NR1D2: variants seen among roughly 807,000 people sequenced by gnomAD.
NR1D2 encodes V-erbA-related protein 1-related.
NR1D2 carries 25 observed loss-of-function variants against 52.2 expected under a neutral mutation model. The observed-to-expected ratio is 0.48, with a 90% CI of 0.35 to 0.67. The LOEUF (loss-of-function observed/expected upper bound fraction) is 0.67, where lower values mean the gene tolerates loss of function less well. Ranked by LOEUF, NR1D2 falls within the 30% of genes least tolerant of loss-of-function variation. The probability of loss-of-function intolerance (pLI) is 0.01; values close to 1 mark genes in which losing one functional copy is unlikely to be tolerated. For missense variants in NR1D2, 681 were observed against 707.2 expected (o/e 0.96, Z 0.42); for synonymous variants, 259 against 230.1 (o/e 1.13, Z -1.14).
At chr3:23,966,421 G>T (rs1015176931) in intron 6 of NR1D2, among the ~76,000 whole-genome samples, 2 of 152,226 alleles carry the variant, frequency 1.3e-5, no homozygotes, top group African/African-American at 2.4e-5. Flanking sequence ...AGTTCAGTTA[G>T]ACTTCATCTG....
intron 1 of NR1D2, among the ~76,000 whole-genome samples, chr3:23,952,758 A>C (rs1180488095): frequency 6.6e-6 from 1 of 151,730 alleles, no homozygotes; most frequent in Admixed American, 6.6e-5. Flanking sequence ...CTGATGAAAA[A>C]CATTGTGTGT....
At chr3:23,969,913 C>G (rs753231684) in intron 7 of NR1D2, among the ~76,000 whole-genome samples, 1 of 151,908 alleles carries the variant, frequency 6.6e-6, no homozygotes, top group Non-Finnish European at 1.5e-5. Context: ...TGAGAGAGTA[C>G]GAGATAGGGC....
In NR1D2 at chr3:23,953,334, C is replaced by T. The variant is rs1470075691; in HGVS notation, c.17-1203C>T. Among the ~76,000 whole-genome samples the T allele has an allele frequency of 3.0e-5, 3 of 99,398 alleles. No homozygotes were observed. The East Asian group carries it at 9.1e-4, about 30-fold the overall frequency. 65.2% of individuals were successfully genotyped at this position (99,398 alleles called of 152,430 possible). The stretch of plus-strand genomic sequence containing the variant: ...CTCCGGCCTGGGTGACAGAGTGAGA[C>T]TCTGTCTCAAAAAAAAAAAAAAAAA... On this transcript the variant is annotated intron_variant, in intron 1 of 7. Coordinates refer to ENST00000312521, the MANE Select transcript of NR1D2 (RefSeq NM_005126.5).
chr3:23,950,827 T>C (rs1279271768), intron 1 of NR1D2, among the ~76,000 whole-genome samples: 1 of 152,162 alleles, frequency 6.6e-6, no homozygotes, highest in African/African-American at 2.4e-5. Context: ...TACAGTCCAT[T>C]GCCCCGTCAG....
At chr3:23,956,738 G>A (rs1274727779) in intron 3 of NR1D2, among the ~76,000 whole-genome samples, 1 of 152,156 alleles carries the variant, frequency 6.6e-6, no homozygotes, top group Non-Finnish European at 1.5e-5. Flanking sequence ...AATTCCAAGT[G>A]AGATGGTCTC....
At chr3:23,954,950 A>G (rs1156500669) in intron 2 of NR1D2, 147 bp downstream of exon 2, 2 of 714,788 alleles carry the variant, frequency 2.8e-6, no homozygotes, top group South Asian at 1.8e-5. Context: ...TAGGGAAGAA[A>G]TCAGTGATGA....
chr3:23,946,249 G>A (rs562952894), intron 1 of NR1D2: 2 of 985,448 alleles, frequency 2.0e-6, no homozygotes, highest in South Asian at 4.7e-5. Context: ...CGCTCTTTTC[G>A]CGAGGTGACC....
Position 23,979,977 on chromosome 3 carries a change from A to T in NR1D2, c.*2558A>T, listed in dbSNP as rs1456619765. ...ATTTTTTTTCCTGTGCTTTTAATGT[A>T]TCTCTTTACATGATCTGAGAGAGGA... On this transcript the variant is annotated 3_prime_UTR_variant, in exon 8 of 8. Coordinates refer to ENST00000312521, the MANE Select transcript of NR1D2 (RefSeq NM_005126.5). 1 of 152,136 alleles carries T rather than the reference A, an allele frequency of 6.6e-6. No homozygotes were observed. Among genetic ancestry groups the T allele is most frequent in the Non-Finnish European group, 1.5e-5 (1 of 67,968 alleles). 9.4% of individuals were successfully genotyped at this position (152,136 alleles called of 1,614,324 possible). A position where few individuals can be genotyped will look rare whatever the true frequency, so the allele number is the denominator to read the frequency against.
In NR1D2 at chr3:23,977,986, G is replaced by GTT. The variant is rs1044384127; in HGVS notation, c.*568_*569dup. ...TGTCCCCAATGCCCCACCTCACAGA[G>GTT]TTACTAAAAAATGTCTGTAAAGCAT... On this transcript the variant is annotated 3_prime_UTR_variant, in exon 8 of 8. Coordinates refer to ENST00000312521, the MANE Select transcript of NR1D2 (RefSeq NM_005126.5). 9.2e-5 allele frequency: 14 copies of GTT among 152,132 alleles called. No homozygotes were observed. The highest frequency in any genetic ancestry group is 3.4e-4 in the African/African-American group (14 of 41,428). 9.4% of individuals were successfully genotyped at this position (152,132 alleles called of 1,614,324 possible).
rs933776423 is a variant in NR1D2, at chr3:23,945,443, C to T, written c.-136C>T. 3 of 338,998 alleles carry T rather than the reference C, an allele frequency of 8.8e-6. No homozygotes were observed. Among genetic ancestry groups the T allele is most frequent in the African/African-American group, 2.2e-5 (1 of 44,858 alleles). The allele number at this position is 338,998 out of a possible 1,614,324, so 21.0% of individuals were successfully genotyped here. On this transcript the variant is annotated 5_prime_UTR_variant, in exon 1 of 8. Transcript: ENST00000312521. ...CTGCACGGCCTGGGGCCCGGGAGCC[C>T]CGCCCGCTCTGCCCATGAGGGGGCC...
chr3:23,947,428 T>G (rs1400628545), intron 1 of NR1D2, among the ~76,000 whole-genome samples: 1 of 152,220 alleles, frequency 6.6e-6, no homozygotes, highest in Non-Finnish European at 1.5e-5. Context: ...TTGTTTTTTC[T>G]GATCACTCAT....
chr3:23,958,545 CAGA>C (rs2125288284), intron 3 of NR1D2, among the ~76,000 whole-genome samples: 1 of 149,862 alleles, frequency 6.7e-6, no homozygotes, highest in African/African-American at 2.5e-5. Flanking sequence ...GAGGCTGAGG[CAGA>C]AGGATTGCTT....
At chr3:23,963,329 A>G (rs374330443) in intron 5 of NR1D2, 4 of 1,337,960 alleles carry the variant, frequency 3.0e-6, no homozygotes, top group Non-Finnish European at 3.9e-6. Context: ...TTCTACTGAC[A>G]GGTAATTAAA....
rs200661316 is a variant in NR1D2, at chr3:23,954,822, C to A, written c.283+19C>A. The A allele has an allele frequency of 2.5e-6, 4 of 1,606,486 alleles. No individual in the cohort carries two copies. The highest frequency in any genetic ancestry group is 3.4e-6 in the Non-Finnish European group (4 of 1,174,370). On this transcript the variant is annotated intron_variant, in intron 2 of 7. Transcript: ENST00000312521. The stretch of plus-strand genomic sequence containing the variant: ...GTGACAAGTAAGTTACTTTGGTTTT[C>A]TAAAGATTGCTGCCATTAATTGCAA...
Position 23,967,955 on chromosome 3 carries a change from A to C in NR1D2, c.1475A>C (p.Lys492Thr), listed in dbSNP as rs771786856. 6.2e-7 allele frequency: 1 copy of C among 1,614,142 alleles called. No homozygotes were observed. Among genetic ancestry groups the C allele is most frequent in the Non-Finnish European group, 8.5e-7 (1 of 1,179,980 alleles). ...LLNSMFEFSE[K>T]LNALQLSDEE... ...AACTCTATGTTTGAATTTAGTGAGA[A>C]GCTAAATGCCCTCCAACTTAGTGAT... Residue 492 changes from lysine to threonine, a missense_variant, in exon 7 of 8, where the codon AAG (lysine) becomes ACG (threonine). By Grantham distance (78) the Lys-to-Thr change is moderately conservative. Coordinates refer to ENST00000312521, the MANE Select transcript of NR1D2 (RefSeq NM_005126.5).
chr3:23,964,798 C>T, intron 5 of NR1D2, 179 bp from the exon 6 acceptor site: 4 of 474,490 alleles, frequency 8.4e-6, no homozygotes, highest in South Asian at 8.9e-5. Flanking sequence ...ATTAGGTTGC[C>T]AAGAGGCTTT....
intron 6 of NR1D2, 63 bp from the exon 7 acceptor site, chr3:23,967,750 C>T: frequency 7.8e-7 from 1 of 1,283,674 alleles, no homozygotes; most frequent in Non-Finnish European, 1.1e-6. Context: ...TGATTGAATA[C>T]TAAGTTATTT....
intron 1 of NR1D2, among the ~76,000 whole-genome samples, chr3:23,951,567 C>T (rs1705934587): frequency 6.6e-6 from 1 of 152,204 alleles, no homozygotes; most frequent in Non-Finnish European, 1.5e-5. Flanking sequence ...TGGTTTTATC[C>T]AGTAACATGA....
intron 7 of NR1D2, among the ~76,000 whole-genome samples, chr3:23,974,473 T>C (rs546679331): frequency 6.6e-6 from 1 of 152,274 alleles, no homozygotes; most frequent in East Asian, 1.9e-4. Context: ...ACTGAAACAT[T>C]GTTACGTGGC....
Sources: gnomAD v4.1 joint callset for allele counts (sites outside exome capture counted in the v4.1 genomes callset) on GRCh38, gnomAD v4.1.1 for gene constraint, MANE v1.5 for transcripts, NCBI Gene and HGNC (gene_info 2026-07-23, HGNC 2026-07-21) for gene names.